Variants in INPP4B observed in about 807,000 individuals in gnomAD.
The protein encoded by INPP4B is inositol polyphosphate-4-phosphatase type II B, also known as inositol polyphosphate 4-phosphatase type II.
Under a neutral mutation model 122.5 loss-of-function variants are expected in INPP4B, and 55 were observed. The observed-to-expected ratio is 0.45, with a 90% CI of 0.36 to 0.56. The LOEUF (loss-of-function observed/expected upper bound fraction) is 0.56. INPP4B is among the 20% of genes least tolerant of loss of function. The pLI is 0.00. For missense variants in INPP4B, 1,000 were observed against 1,097.7 expected, an observed-to-expected ratio of 0.91 and a Z score of 1.26; for synonymous variants, 403 against 388.7, an observed-to-expected ratio of 1.04 and a Z score of -0.43.
chr4:142,474,460 G>A (rs948143730), intron 2 of INPP4B: 10 of 151,692 alleles, frequency 6.6e-5, no homozygotes, highest in African/African-American at 2.4e-4. Context: ...ATCCTGTAGA[G>A]CAGGGTAGGT....
At chr4:142,106,231 TG>T (rs1169396647) in intron 23 of INPP4B, among the ~76,000 whole-genome samples, 2 of 152,222 alleles carry the variant, frequency 1.3e-5, no homozygotes, top group Non-Finnish European at 2.9e-5. Context: ...TTACATGTTT[TG>T]AAAAACACTT....
At chr4:142,102,132 C>G (rs1320063322) in intron 23 of INPP4B, among the ~76,000 whole-genome samples, 2 of 151,604 alleles carry the variant, frequency 1.3e-5, no homozygotes, top group African/African-American at 4.8e-5. Context: ...CTAATTGTGC[C>G]TTGACTTAAG....
chr4:142,283,556 T>C (rs1465255634), intron 9 of INPP4B, among the ~76,000 whole-genome samples: 1 of 152,136 alleles, frequency 6.6e-6, no homozygotes, highest in Non-Finnish European at 1.5e-5. Context: ...ACCTAGGCTA[T>C]ATGGGATAGC....
intron 9 of INPP4B, among the ~76,000 whole-genome samples, chr4:142,278,995 G>T (rs554001101): frequency 2.6e-5 from 4 of 151,920 alleles, no homozygotes; most frequent in African/African-American, 9.6e-5. Flanking sequence ...AGGACACAAG[G>T]TTAATGCACA....
rs141158170 is a variant in INPP4B, at chr4:142,381,425, T to C, written c.372+21513A>G. ...GAGCTTCCTCAAATCCTTTGCTCCA[T>C]TTTTGACCTTTCTGAAATCCGAACT... On this transcript the variant is annotated intron_variant, in intron 7 of 25. Coordinates refer to ENST00000262992, the MANE Select transcript of INPP4B (RefSeq NM_001101669.3). Among the ~76,000 whole-genome samples the C allele has an allele frequency of 7.9e-5, 12 of 152,266 alleles. No homozygotes were observed. The East Asian group carries it at 2.3e-3, about 29-fold the overall frequency.
intron 2 of INPP4B, among the ~76,000 whole-genome samples, chr4:142,483,182 CTTTTTTTTT>C (rs5862604): frequency 0.018 from 889 of 48,350 alleles, 18 homozygotes; most frequent in African/African-American, 0.083. Context: ...TCAGGCTATG[CTTTTTTTTT>C]TTTTTTTTTT....
intron 2 of INPP4B, among the ~76,000 whole-genome samples, chr4:142,545,821 G>GTATATATATATATATA (rs70949172): frequency 2.0e-4 from 22 of 111,900 alleles, no homozygotes; most frequent in East Asian, 1.2e-3. Context: ...ATACATGTGT[G>GTATATATATATATATA]TATATATATA....
At chr4:142,796,047 A>C (rs1777195478) in intron 1 of INPP4B, among the ~76,000 whole-genome samples, 1 of 152,156 alleles carries the variant, frequency 6.6e-6, no homozygotes, top group Middle Eastern at 3.4e-3. Context: ...TCCTAAAATA[A>C]AACCCCTTAT....
intron 2 of INPP4B, among the ~76,000 whole-genome samples, chr4:142,662,873 T>C (rs569808598): frequency 2.6e-4 from 40 of 152,304 alleles, no homozygotes; most frequent in Admixed American, 2.0e-4. Context: ...TTCCTGGCTA[T>C]GGAAAGGTTT....
intron 9 of INPP4B, among the ~76,000 whole-genome samples, chr4:142,290,195 C>CTTTTTTTTTTTTT (rs35260066): frequency 5.2e-5 from 4 of 77,482 alleles, no homozygotes; most frequent in Non-Finnish European, 6.9e-5. Flanking sequence ...TTCTTTCTTC[C>CTTTTTTTTTTTTT]TTTTTTTTTT....
chr4:142,258,975 C>A (rs894234322), intron 11 of INPP4B, among the ~76,000 whole-genome samples: 1 of 151,924 alleles, frequency 6.6e-6, no homozygotes, highest in African/African-American at 2.4e-5. Flanking sequence ...CAGTGATAGA[C>A]TGGATTAAGA....
At chr4:142,139,469 G>A (rs1017121915) in intron 18 of INPP4B, among the ~76,000 whole-genome samples, 1 of 152,036 alleles carries the variant, frequency 6.6e-6, no homozygotes, top group Non-Finnish European at 1.5e-5. Flanking sequence ...ACCATGTTCA[G>A]TTAATTTTTG....
At chr4:142,602,436 G>A (rs965742998) in intron 2 of INPP4B, among the ~76,000 whole-genome samples, 6 of 151,900 alleles carry the variant, frequency 3.9e-5, no homozygotes, top group South Asian at 2.1e-4. Flanking sequence ...CTATTCCCAC[G>A]AAACTACCAT....
intron 7 of INPP4B, among the ~76,000 whole-genome samples, chr4:142,315,516 A>G (rs1185955847): frequency 3.3e-5 from 5 of 152,022 alleles, no homozygotes; most frequent in African/African-American, 9.7e-5. Flanking sequence ...TCCTGGCTGT[A>G]CATTAGAATC....
intron 3 of INPP4B, among the ~76,000 whole-genome samples, chr4:142,449,219 T>C (rs952094499): frequency 2.0e-5 from 3 of 152,144 alleles, no homozygotes; most frequent in Admixed American, 6.5e-5. Context: ...TGTTCTCCTC[T>C]TTACCGCGAG....
intron 2 of INPP4B, among the ~76,000 whole-genome samples, chr4:142,475,650 A>C (rs1219647540): frequency 6.6e-6 from 1 of 152,206 alleles, no homozygotes; most frequent in African/African-American, 2.4e-5. Flanking sequence ...AGAAAGAACC[A>C]AACTGAGCTG....
At chr4:142,115,032 G>A (rs546051222) in intron 21 of INPP4B, among the ~76,000 whole-genome samples, 3 of 152,142 alleles carry the variant, frequency 2.0e-5, no homozygotes, top group Non-Finnish European at 2.9e-5. Flanking sequence ...TTCAGTAGCC[G>A]ATTCAATCAA....
At chr4:142,149,243 A>C (rs1004908337) in intron 17 of INPP4B, among the ~76,000 whole-genome samples, 1 of 152,250 alleles carries the variant, frequency 6.6e-6, no homozygotes, top group Non-Finnish European at 1.5e-5. Context: ...AAAGGAAGGC[A>C]GGTAGAGAAA....
chr4:142,106,372 G>A (rs537246605), intron 23 of INPP4B, among the ~76,000 whole-genome samples: 8 of 152,060 alleles, frequency 5.3e-5, no homozygotes, highest in South Asian at 2.1e-4. Flanking sequence ...TCTGTCTCCC[G>A]GGCTCAAGCC....
Sources: allele counts gnomAD v4.1 joint callset (sites outside exome capture counted in the v4.1 genomes callset), GRCh38; gene constraint gnomAD v4.1.1; transcripts MANE v1.5; gene names NCBI Gene and HGNC (gene_info 2026-07-23, HGNC 2026-07-21).